Variants in NAV3 observed in about 807,000 individuals in gnomAD.
The protein encoded by NAV3 is neuron navigator 3.
NAV3 carries 87 observed loss-of-function variants against 244.7 expected under a neutral mutation model. The ratio of observed to expected loss-of-function variants is 0.36; its 90% confidence interval spans 0.30 to 0.42. The LOEUF (loss-of-function observed/expected upper bound fraction) is 0.42. Among genes scored for constraint, NAV3 ranks in the 20% least tolerant of loss-of-function variants. The pLI is 1.00. For synonymous variants in NAV3, 1,126 were observed against 1,042.2 expected, an observed-to-expected ratio of 1.08 and a Z score of -1.55; for missense variants, 2,663 against 2,893.3, an observed-to-expected ratio of 0.92 and a Z score of 1.83.
intron 2 of NAV3, among the ~76,000 whole-genome samples, chr12:77,670,946 G>C (rs1219176226): frequency 1.3e-5 from 2 of 152,110 alleles, no homozygotes. Flanking sequence ...AGAGCAATCA[G>C]ATAAGAGAAA....
chr12:78,148,819 T>G, intron 21 of NAV3, 23 bp from the exon 22 acceptor site: 1 of 1,585,530 alleles, frequency 6.3e-7, no homozygotes, highest in Non-Finnish European at 8.6e-7. Flanking sequence ...GCCTATTCCA[T>G]TGATTTTTTT....
chr12:77,827,732 T>C (rs1020792055), upstream of NAV3, among the ~76,000 whole-genome samples: 1 of 152,222 alleles, frequency 6.6e-6, no homozygotes, highest in African/African-American at 2.4e-5. Context: ...TGTGGAAAAC[T>C]ATCTTAACAA....
intron 2 of NAV3, among the ~76,000 whole-genome samples, chr12:77,681,649 TG>T (rs72279097): frequency 0.14 from 21,012 of 152,122 alleles, 2,396 homozygotes; most frequent in African/African-American, 0.32. Context: ...TGTTCTGTGA[TG>T]GCTGATTTTC....
rs770352625 is a variant in NAV3 at position 78,050,051 on chromosome 12, G to T, written c.2082G>T (p.Gln694His). 5.0e-6 allele frequency: 8 copies of T among 1,613,282 alleles called. No individual in the cohort carries two copies. The highest frequency in any genetic ancestry group is 6.8e-6 in the Non-Finnish European group (8 of 1,179,740). Reference sequence around the variant, plus strand: ...TTAAAAACATAGCAGACTTGAGGCAGAATTTAGAAGAGACTATGTCCAGTC... The same window carrying T: ...TTAAAAACATAGCAGACTTGAGGCATAATTTAGAAGAGACTATGTCCAGTC... Reference protein sequence around the residue: ...RTVKNIADLRQNLEETMSSLR... With the variant: ...RTVKNIADLRHNLEETMSSLR... Residue 694 changes from glutamine (Q) to histidine (H), a missense_variant, in exon 10 of 40, where the codon CAG (glutamine) becomes CAT (histidine). By Grantham distance (24) the Gln-to-His change is conservative. This residue lies in a region of NAV3 where 1,521 missense variants were observed against 1,497.0 expected (regional missense o/e 1.02). Coordinates refer to ENST00000397909, the MANE Select transcript of NAV3 (RefSeq NM_001024383.2).
At chr12:77,752,160 T>C (rs530502767) in intron 2 of NAV3, among the ~76,000 whole-genome samples, 4 of 152,342 alleles carry the variant, frequency 2.6e-5, no homozygotes, top group African/African-American at 4.8e-5. Context: ...TCTTTGAGGC[T>C]ATCTTTTCTT....
At chr12:78,152,039 GA>G (rs918888593) in intron 22 of NAV3, among the ~76,000 whole-genome samples, 12 of 150,856 alleles carry the variant, frequency 8.0e-5, no homozygotes, top group African/African-American at 2.7e-4. Context: ...CAGTTCTTTT[GA>G]AAAAAAATCT....
intron 39 of NAV3, among the ~76,000 whole-genome samples, chr12:78,206,306 T>A (rs1331236267): frequency 6.6e-6 from 1 of 152,134 alleles, no homozygotes; most frequent in Non-Finnish European, 1.5e-5. Flanking sequence ...GAATCAACAG[T>A]GCTGATGAAA....
intron 22 of NAV3, among the ~76,000 whole-genome samples, chr12:78,152,847 A>G (rs1422217016): frequency 1.3e-5 from 2 of 152,012 alleles, no homozygotes; most frequent in Non-Finnish European, 2.9e-5. Flanking sequence ...TTCACAGTAC[A>G]AGTAAACTTT....
rs1489620264 is a variant in NAV3 at position 77,966,229 on chromosome 12, A to T, written c.415A>T (p.Ile139Phe). 2 of 1,613,530 alleles carry T rather than the reference A, an allele frequency of 1.2e-6. No homozygotes were observed. Among genetic ancestry groups the T allele is most frequent in the East Asian group, 2.2e-5 (1 of 44,754 alleles). The stretch of plus-strand genomic sequence containing the variant: ...TTTTTCACTGCTTTTCATGTTGCAG[A>T]TTGAAAATGTTGATGTCTGCCTTAG... ...NGCPRSQSQM[I>F]ENVDVCLSFL... The change falls in exon 4 of 40, where the codon ATT becomes TTT. Residue 139 changes from isoleucine (I) to phenylalanine (F), a missense_variant and splice_region_variant. This residue lies in a region of NAV3 where 1,521 missense variants were observed against 1,497.0 expected (regional missense o/e 1.02). Coordinates refer to ENST00000397909, the MANE Select transcript of NAV3 (RefSeq NM_001024383.2).
chr12:77,594,999 G>A (rs979615850), intron 2 of NAV3, among the ~76,000 whole-genome samples: 1 of 152,080 alleles, frequency 6.6e-6, no homozygotes, highest in African/African-American at 2.4e-5. Flanking sequence ...AAGTATGGAG[G>A]TTTCTCAAAA....
At chr12:77,621,412 TGAA>T (rs1871364399) in intron 2 of NAV3, among the ~76,000 whole-genome samples, 1 of 151,964 alleles carries the variant, frequency 6.6e-6, no homozygotes, top group South Asian at 2.1e-4. Flanking sequence ...GTTGAACTTC[TGAA>T]GAAGAATCTA....
intron 2 of NAV3, among the ~76,000 whole-genome samples, chr12:77,754,718 C>T (rs1264613919): frequency 6.6e-6 from 1 of 152,134 alleles, no homozygotes; most frequent in Non-Finnish European, 1.5e-5. Context: ...TGTTAATGTT[C>T]CTTTTGGCTG....
intron 8 of NAV3, among the ~76,000 whole-genome samples, chr12:78,009,405 C>G (rs984355550): frequency 1.7e-5 from 2 of 118,662 alleles, no homozygotes; most frequent in African/African-American, 3.2e-5. Context: ...GAGCTGAGAT[C>G]GTGCATTTGC....
chr12:78,137,709 C>T (rs1209875054), intron 19 of NAV3, among the ~76,000 whole-genome samples: 2 of 152,118 alleles, frequency 1.3e-5, no homozygotes. Flanking sequence ...GCCATAAAGA[C>T]ACACAAACCA....
chr12:77,746,646 TATAAC>T (rs1868560048), intron 2 of NAV3, among the ~76,000 whole-genome samples: 1 of 152,108 alleles, frequency 6.6e-6, no homozygotes, highest in Non-Finnish European at 1.5e-5. Context: ...TGGAAGTAAT[TATAAC>T]ATTTGATATA....
In NAV3 at chr12:77,742,752, A is replaced by G. The variant is rs187524408; in HGVS notation, c.72+170486A>G. 7.1e-4 allele frequency among the ~76,000 whole-genome samples: 108 copies of G among 152,178 alleles called. 1 individual carries two copies. Among genetic ancestry groups the G allele is most frequent in the African/African-American group, 2.4e-3 (98 of 41,562 alleles). On this transcript the variant is annotated intron_variant, in intron 2 of 8. Coordinates refer to the NAV3 transcript ENST00000550042. The stretch of plus-strand genomic sequence containing the variant: ...TAAAATTAACTGTAGTACATACTGT[A>G]CTTGTATAATAATTTTGTAGTTACC...
At chr12:78,082,370 TTG>T (rs1159595274) in intron 12 of NAV3, among the ~76,000 whole-genome samples, 10 of 152,240 alleles carry the variant, frequency 6.6e-5, no homozygotes, top group Admixed American at 5.2e-4. Context: ...ATGAATTATT[TTG>T]TGTTATTTTG....
Position 77,769,560 on chromosome 12 carries a change from G to T in NAV3, c.73-170759G>T, listed in dbSNP as rs189696764. ...AAAAGAGTAAATAGTATCAAACAAA[G>T]TCATAGGAATGTTTGAAGATACAAT... On this transcript the variant is annotated intron_variant, in intron 2 of 8. Transcript: ENST00000550042. Among the ~76,000 whole-genome samples, 5 of 152,278 alleles carry T rather than the reference G, an allele frequency of 3.3e-5. No individual in the cohort carries two copies. The East Asian group carries it at 9.6e-4, about 29-fold the overall frequency.
intron 2 of NAV3, among the ~76,000 whole-genome samples, chr12:77,802,345 A>T (rs1455020756): frequency 6.6e-6 from 1 of 152,328 alleles, no homozygotes; most frequent in Middle Eastern, 3.4e-3. Context: ...TTGTCTTTCA[A>T]CTATAGTTGA....
Sources: allele counts gnomAD v4.1 joint callset (sites outside exome capture counted in the v4.1 genomes callset), GRCh38; gene constraint gnomAD v4.1.1; regional missense constraint gnomAD v4.1.1; transcripts MANE v1.5; gene names NCBI Gene and HGNC (gene_info 2026-07-23, HGNC 2026-07-21).